Variants in ANTXR2 observed in about 807,000 individuals in gnomAD.
ANTXR2 encodes ANTXR cell adhesion molecule 2.
A neutral mutation model predicts 73.7 loss-of-function variants in ANTXR2; 44 were observed. The ratio of observed to expected loss-of-function variants is 0.60; its 90% confidence interval spans 0.47 to 0.77. ANTXR2 has a LOEUF of 0.77. Ranked by LOEUF, ANTXR2 falls within the 30% of genes least tolerant of loss-of-function variation. ANTXR2 has a pLI of 0.00. For missense variants in ANTXR2, 604 were observed against 592.5 expected (o/e 1.02, Z -0.20); for synonymous variants, 217 against 205.9 (o/e 1.05, Z -0.46).
chr4:79,909,883 C>A (rs1466841917), intron 16 of ANTXR2, among the ~76,000 whole-genome samples: 1 of 152,068 alleles, frequency 6.6e-6, no homozygotes, highest in Non-Finnish European at 1.5e-5. Flanking sequence ...CCCAGTTTTC[C>A]CAGTTGTGGG....
At chr4:80,065,784 CT>C (rs1734468699) in intron 3 of ANTXR2, among the ~76,000 whole-genome samples, 1 of 152,166 alleles carries the variant, frequency 6.6e-6, no homozygotes, top group South Asian at 2.1e-4. Context: ...CATGAAAGAG[CT>C]ACTTATTTAC....
rs1417959076 is a variant in ANTXR2, at chr4:79,974,805, TG to T, written c.1428+2815del. Reference sequence around the variant, plus strand: ...AAAAAAAGAAAAAGGAAGAAAATCTTGGTCAAAATAATGGAAAGGGAAGCAT... The same window carrying T: ...AAAAAAAGAAAAAGGAAGAAAATCTTGTCAAAATAATGGAAAGGGAAGCAT... On this transcript the variant is annotated intron_variant, in intron 16 of 16. Coordinates refer to ENST00000403729, the MANE Select transcript of ANTXR2 (RefSeq NM_058172.6). 6.0e-5 allele frequency among the ~76,000 whole-genome samples: 9 copies of T among 151,062 alleles called. No homozygotes were observed. In the East Asian group the frequency reaches 9.7e-4, roughly 16 times the overall value.
chr4:79,929,223 C>T (rs765349236), intron 16 of ANTXR2, among the ~76,000 whole-genome samples: 27 of 152,010 alleles, frequency 1.8e-4, no homozygotes, highest in South Asian at 6.2e-4. Context: ...TTTAAAAAGG[C>T]GTGTTGGGAG....
At chr4:80,005,478 C>T (rs1235479698) in intron 12 of ANTXR2, among the ~76,000 whole-genome samples, 1 of 152,048 alleles carries the variant, frequency 6.6e-6, no homozygotes, top group African/African-American at 2.4e-5. Flanking sequence ...TGGTCACATC[C>T]TAATTTCAGC....
chr4:79,933,684 A>G (rs184510665), intron 16 of ANTXR2, among the ~76,000 whole-genome samples: 34 of 143,714 alleles, frequency 2.4e-4, no homozygotes, highest in African/African-American at 4.3e-4. Context: ...TATATCTCCT[A>G]ATGCTATCCC....
intron 16 of ANTXR2, among the ~76,000 whole-genome samples, chr4:79,933,735 G>GTTTTTTT (rs10689799): frequency 1.5e-5 from 1 of 68,958 alleles, no homozygotes; most frequent in Non-Finnish European, 2.5e-5. Flanking sequence ...TGGTGTGTTT[G>GTTTTTTT]TTTTTTTTTT....
chr4:80,042,903 C>T (rs367977508), intron 7 of ANTXR2, among the ~76,000 whole-genome samples: 3 of 151,936 alleles, frequency 2.0e-5, no homozygotes, highest in Admixed American at 6.6e-5. Context: ...CCTTTTTAAC[C>T]GATGGTTGTT....
chr4:80,001,246 A>T (rs1049606697), intron 12 of ANTXR2, among the ~76,000 whole-genome samples: 1 of 151,550 alleles, frequency 6.6e-6, no homozygotes, highest in Admixed American at 6.6e-5. Flanking sequence ...TACATGTGCC[A>T]TGCTGGTGCG....
At chr4:79,910,966 G>A (rs62297553) in intron 16 of ANTXR2, among the ~76,000 whole-genome samples, 13,597 of 133,736 alleles carry the variant, frequency 0.1, 714 homozygotes, top group Middle Eastern at 0.2. Context: ...GCTGCCATCC[G>A]CTTACCAGAA....
At chr4:79,978,619 T>A (rs1487826532) in intron 14 of ANTXR2, among the ~76,000 whole-genome samples, 1 of 152,240 alleles carries the variant, frequency 6.6e-6, no homozygotes, top group Non-Finnish European at 1.5e-5. Flanking sequence ...TATGTGTCAG[T>A]CTGCATTTAA....
At chr4:80,057,318 T>C (rs1471097701) in intron 3 of ANTXR2, among the ~76,000 whole-genome samples, 8 of 152,022 alleles carry the variant, frequency 5.3e-5, no homozygotes, top group African/African-American at 1.9e-4. Context: ...CATGCGGTTA[T>C]AAAATATGTC....
intron 7 of ANTXR2, among the ~76,000 whole-genome samples, chr4:80,047,672 C>T (rs927161105): frequency 6.6e-6 from 1 of 151,690 alleles, no homozygotes; most frequent in Non-Finnish European, 1.5e-5. Flanking sequence ...GACAACACCC[C>T]TCACTTTCCA....
chr4:80,025,759 A>G (rs1732404895), intron 10 of ANTXR2, among the ~76,000 whole-genome samples: 1 of 152,210 alleles, frequency 6.6e-6, no homozygotes, highest in Non-Finnish European at 1.5e-5. Context: ...TGTTTTGACT[A>G]AGGATACTTT....
intron 7 of ANTXR2, among the ~76,000 whole-genome samples, chr4:80,040,075 T>C (rs1019377197): frequency 1.3e-5 from 2 of 151,822 alleles, no homozygotes; most frequent in Non-Finnish European, 2.9e-5. Flanking sequence ...TGGGTACTCA[T>C]GGACGTAAAG....
chr4:80,008,580 A>G lies in ANTXR2; in HGVS notation c.982T>C (p.Leu328=). Residue 328 remains leucine, a synonymous_variant, in exon 12 of 17, where the codon TTA becomes CTA. Transcript: ENST00000403729. ...AAACCGATCCCCAGGAGTAGCAGTAACACCAAAATAACAATGATGGCTGCG... is the reference window on the plus strand; with the variant it reads ...AAACCGATCCCCAGGAGTAGCAGTAGCACCAAAATAACAATGATGGCTGCG... ...GIAAIIVILV[L]LLLLGIGLMW... is the part of the protein sequence containing the mutation. The G allele has an allele frequency of 6.2e-7, 1 of 1,607,014 alleles. No individual in the cohort carries two copies. The highest frequency in any genetic ancestry group is 8.5e-7 in the Non-Finnish European group (1 of 1,177,448).
chr4:79,908,289 T>C (rs1726998277), intron 16 of ANTXR2, among the ~76,000 whole-genome samples: 1 of 152,154 alleles, frequency 6.6e-6, no homozygotes, highest in Non-Finnish European at 1.5e-5. Context: ...AGGGTCAGGA[T>C]TATCACCCTA....
At chr4:79,933,731 G>GTTTTTT (rs201263531) in intron 16 of ANTXR2, among the ~76,000 whole-genome samples, 2 of 41,962 alleles carry the variant, frequency 4.8e-5, no homozygotes, top group Non-Finnish European at 8.3e-5. Context: ...GCCCTGGTGT[G>GTTTTTT]TTTGTTTTTT....
intron 7 of ANTXR2, among the ~76,000 whole-genome samples, chr4:80,039,815 A>G (rs982529257): frequency 6.6e-6 from 1 of 152,080 alleles, no homozygotes; most frequent in Non-Finnish European, 1.5e-5. Flanking sequence ...ACCAAAAAGC[A>G]ATCATGTGTT....
intron 16 of ANTXR2, among the ~76,000 whole-genome samples, chr4:79,930,881 T>C (rs1222970870): frequency 6.6e-6 from 1 of 152,232 alleles, no homozygotes; most frequent in Non-Finnish European, 1.5e-5. Flanking sequence ...TATCTATTTA[T>C]TTCCGCTTAC....
Sources: gnomAD v4.1 joint callset for allele counts (sites outside exome capture counted in the v4.1 genomes callset) on GRCh38, gnomAD v4.1.1 for gene constraint, MANE v1.5 for transcripts, NCBI Gene and HGNC (gene_info 2026-07-23, HGNC 2026-07-21) for gene names.